The following OC90 variants were observed in gnomAD, a reference collection of about 807,000 sequenced individuals.
OC90 encodes otoconin 90.
OC90 carries 46 observed loss-of-function variants against 47.3 expected under a neutral mutation model. The ratio of observed to expected loss-of-function variants is 0.97; its 90% confidence interval spans 0.77 to 1.24. OC90 has a LOEUF of 1.24. Ranked by LOEUF, OC90 falls within the 50% of genes most tolerant of loss-of-function variation. The probability of loss-of-function intolerance (pLI) is 0.00; values close to 1 mark genes in which losing one functional copy is unlikely to be tolerated. For synonymous variants in OC90, 271 were observed against 219.5 expected (o/e 1.23, Z -2.07); for missense variants, 688 against 583.9 (o/e 1.18, Z -1.84).
At chr8:132,055,465 A>G (rs982475842) in intron 1 of OC90, among the ~76,000 whole-genome samples, 3 of 152,224 alleles carry the variant, frequency 2.0e-5, no homozygotes, top group Admixed American at 6.5e-5. Flanking sequence ...ACTAATGCGG[A>G]AGGGAGGCAA....
intron 12 of OC90, among the ~76,000 whole-genome samples, chr8:132,030,472 C>T (rs1287415889): frequency 2.6e-5 from 4 of 152,160 alleles, no homozygotes; most frequent in African/African-American, 7.2e-5. Context: ...CAGGAAACAC[C>T]TTCAAAATCA....
At position 132,034,790 on chromosome 8, in the gene OC90, A is replaced by AT. The variant is rs749137216; in HGVS notation, c.723_724insA (p.Ser242IlefsTer16). 83 of 1,611,556 alleles carry AT rather than the reference A, an allele frequency of 5.2e-5. No homozygotes were observed. The highest frequency in any genetic ancestry group is 5.8e-5 in the Non-Finnish European group (68 of 1,178,260). On this transcript the variant is annotated frameshift_variant, in exon 10 of 14. Transcript: ENST00000254627. LOFTEE classifies it high-confidence loss of function. The stretch of plus-strand genomic sequence containing the variant: ...AGCCCAGTAGGCTTACCTGGAGGGG[A>AT]CGTAGCCCTAGCAGCTCCCACTCCT...
At chr8:132,025,980 A>T (rs1822751773) in intron 13 of OC90, among the ~76,000 whole-genome samples, 1 of 152,236 alleles carries the variant, frequency 6.6e-6, no homozygotes, top group East Asian at 1.9e-4. Flanking sequence ...TTCCCTATTC[A>T]TCATTCATAT....
chr8:132,024,815 T>A (rs1382924353), intron 13 of OC90, 39 bp from the exon 14 acceptor site: 1 of 1,566,906 alleles, frequency 6.4e-7, no homozygotes, highest in Admixed American at 1.7e-5. Flanking sequence ...ATGAGACCTC[T>A]GAGGATGGCA....
chr8:132,040,965 C>T (rs1260824090), intron 6 of OC90, 79 bp downstream of exon 6: 13 of 854,110 alleles, frequency 1.5e-5, no homozygotes, highest in Non-Finnish European at 2.4e-5. Flanking sequence ...GATCACAATG[C>T]CCTCAGCCTG....
intron 2 of OC90, among the ~76,000 whole-genome samples, chr8:132,048,031 T>C (rs548636207): frequency 6.6e-6 from 1 of 152,290 alleles, no homozygotes; most frequent in Non-Finnish European, 1.5e-5. Flanking sequence ...CTTCTTTCAT[T>C]TGAGGACATA....
intron 3 of OC90, 52 bp downstream of exon 3, chr8:132,045,766 A>G: frequency 9.8e-7 from 1 of 1,020,492 alleles, no homozygotes; most frequent in South Asian, 1.4e-5. Flanking sequence ...CTCTGCCAAT[A>G]TCCTAGACAA....
intron 13 of OC90, among the ~76,000 whole-genome samples, chr8:132,027,177 A>G (rs1458635640): frequency 6.6e-6 from 1 of 152,230 alleles, no homozygotes; most frequent in Non-Finnish European, 1.5e-5. Context: ...CTGTTAGTAC[A>G]TACTACATGA....
At chr8:132,032,169 C>A (rs1346557352) in intron 11 of OC90, 117 bp from the exon 12 acceptor site, 4 of 867,290 alleles carry the variant, frequency 4.6e-6, no homozygotes, top group Admixed American at 2.2e-5. Context: ...AAAGGAACCC[C>A]ATGTCTTACT....
At chr8:132,037,352 G>A (rs1822983694) in intron 9 of OC90, 86 bp downstream of exon 9, 1 of 1,110,752 alleles carries the variant, frequency 9.0e-7, no homozygotes, top group Non-Finnish European at 1.3e-6. Context: ...GTGAGTTCTT[G>A]TGAGATCTGG....
Position 132,033,170 on chromosome 8 carries a change from A to T in OC90, c.734-6T>A. ...TGCAACTATCTCTGCAGATCCTGAA[A>T]ATGAAAAACTTCATGATTCGGATTC... On this transcript the variant is annotated splice_polypyrimidine_tract_variant and splice_region_variant and intron_variant, in intron 10 of 13. Transcript: ENST00000254627. The T allele has an allele frequency of 1.2e-6, 2 of 1,603,262 alleles. No individual in the cohort carries two copies. Among genetic ancestry groups the T allele is most frequent in the East Asian group, 2.2e-5 (1 of 44,716 alleles).
At chr8:132,032,733 A>G (rs1822893724) in intron 11 of OC90, among the ~76,000 whole-genome samples, 1 of 152,194 alleles carries the variant, frequency 6.6e-6, no homozygotes, top group Admixed American at 6.5e-5. Context: ...CATGCTTTCC[A>G]ATAAAGCACG....
Position 132,041,571 on chromosome 8 carries a change from T to A in OC90, c.298A>T (p.Thr100Ser), listed in dbSNP as rs777326768. ...AACCCTTCCATCTCAAACCTGCAGGTGCAACCATAGTCTTCAAAGTCTCGG... is the reference window on the plus strand; with the variant it reads ...AACCCTTCCATCTCAAACCTGCAGGAGCAACCATAGTCTTCAAAGTCTCGG... ...CPRDFEDYGCTCRFEMEGLPV... is the reference protein window; with the variant it reads ...CPRDFEDYGCSCRFEMEGLPV... Residue 100 changes from threonine to serine, a missense_variant, in exon 5 of 14, where the codon ACC becomes TCC. Coordinates refer to ENST00000254627, the MANE Select transcript of OC90 (RefSeq NM_001080399.3). 6.2e-7 allele frequency: 1 copy of A among 1,613,412 alleles called. No homozygotes were observed. The highest frequency in any genetic ancestry group is 8.5e-7 in the Non-Finnish European group (1 of 1,179,704).
intron 13 of OC90, among the ~76,000 whole-genome samples, 161 bp from the exon 14 acceptor site, chr8:132,024,937 T>C (rs1392425630): frequency 1.3e-5 from 2 of 152,178 alleles, no homozygotes; most frequent in Non-Finnish European, 2.9e-5. Flanking sequence ...AACTTTCTCC[T>C]CCTGCTGGGA....
At chr8:132,028,702 G>GAAAGAAAGAA (rs1207296590) in intron 13 of OC90, among the ~76,000 whole-genome samples, 17 of 62,826 alleles carry the variant, frequency 2.7e-4, no homozygotes, top group African/African-American at 8.3e-4. Context: ...GAAAGAAAGA[G>GAAAGAAAGAA]AGACAGAAAG....
rs143926537 is a variant in OC90 at position 132,048,755 on chromosome 8, G to A, written c.47-2872C>T. 5.0e-3 allele frequency among the ~76,000 whole-genome samples: 764 copies of A among 151,660 alleles called. 52 individuals carry two copies. Among genetic ancestry groups the A allele is most frequent in the African/African-American group, 0.018 (738 of 40,942 alleles). On this transcript the variant is annotated intron_variant, in intron 2 of 13. Transcript: ENST00000254627. ...TTACAGGTAAAATATCAGAGGTTTAGAGAGGTGGCACCTGCCACGGCCACA... is the reference window on the plus strand; with the variant it reads ...TTACAGGTAAAATATCAGAGGTTTAAAGAGGTGGCACCTGCCACGGCCACA...
chr8:132,045,032 G>A (rs1319962572), intron 3 of OC90, among the ~76,000 whole-genome samples: 1 of 152,176 alleles, frequency 6.6e-6, no homozygotes, highest in African/African-American at 2.4e-5. Flanking sequence ...GAAGAGGAGT[G>A]GCTGCCATGG....
intron 2 of OC90, chr8:132,049,899 C>T (rs372669725): frequency 4.0e-6 from 2 of 500,926 alleles, no homozygotes; most frequent in East Asian, 5.6e-5. Flanking sequence ...GTGCCAATTC[C>T]ATTATTTTGA....
intron 8 of OC90, 58 bp from the exon 9 acceptor site, chr8:132,037,546 C>T: frequency 6.8e-7 from 1 of 1,470,454 alleles, no homozygotes; most frequent in African/African-American, 1.4e-5. Flanking sequence ...CAAAACCAAG[C>T]ACAGGGTCTC....
Sources: allele counts gnomAD v4.1 joint callset (sites outside exome capture counted in the v4.1 genomes callset), GRCh38; gene constraint gnomAD v4.1.1; transcripts MANE v1.5; gene names NCBI Gene and HGNC (gene_info 2026-07-23, HGNC 2026-07-21).